The following TANGO6 variants were observed in gnomAD, a reference collection of about 807,000 sequenced individuals.
TANGO6 encodes transport and Golgi organization protein 6 homolog.
Under a neutral mutation model 114.2 loss-of-function variants are expected in TANGO6, and 90 were observed. The ratio of observed to expected loss-of-function variants is 0.79; its 90% CI spans 0.66 to 0.94. The LOEUF (loss-of-function observed/expected upper bound fraction) is 0.94, where lower values mean the gene tolerates loss of function less well. Ranked by LOEUF, TANGO6 falls within the 40% of genes least tolerant of loss-of-function variation. The pLI, the probability that TANGO6 is intolerant of heterozygous loss-of-function variation, is 0.00. For missense variants in TANGO6, 1,274 were observed against 1,315.3 expected, an observed-to-expected ratio of 0.97 and a Z score of 0.49; for synonymous variants, 477 against 509.8, an observed-to-expected ratio of 0.94 and a Z score of 0.87.
intron 17 of TANGO6, among the ~76,000 whole-genome samples, chr16:69,075,275 A>G (rs187043793): frequency 3.3e-5 from 5 of 151,584 alleles, no homozygotes; most frequent in African/African-American, 1.2e-4. Flanking sequence ...AATTATTAGC[A>G]TGAATTTTAC....
chr16:68,903,579 C>T (rs1047057539), intron 9 of TANGO6, among the ~76,000 whole-genome samples: 2 of 141,426 alleles, frequency 1.4e-5, no homozygotes, highest in Admixed American at 7.6e-5. Context: ...GATCGTACCA[C>T]TGCACTCCAG....
chr16:69,020,900 ATGTATGTGTG>A (rs1393756566), intron 15 of TANGO6, among the ~76,000 whole-genome samples: 2,398 of 126,462 alleles, frequency 0.019, 42 homozygotes, highest in East Asian at 0.079. Flanking sequence ...TTATATATGT[ATGTATGTGTG>A]TGTGTGTGTG....
At chr16:69,059,078 CTTT>C (rs34994371) in intron 17 of TANGO6, among the ~76,000 whole-genome samples, 1 of 130,874 alleles carries the variant, frequency 7.6e-6, no homozygotes, top group Non-Finnish European at 1.7e-5. Flanking sequence ...CAGCTAATTT[CTTT>C]TTTTTTTTTT....
intron 14 of TANGO6, among the ~76,000 whole-genome samples, chr16:68,957,178 G>A (rs1036773528): frequency 4.6e-5 from 7 of 151,856 alleles, no homozygotes; most frequent in African/African-American, 1.7e-4. Context: ...TGCATGTATA[G>A]CAACATAAAG....
intron 14 of TANGO6, among the ~76,000 whole-genome samples, chr16:68,966,762 T>C (rs1467067563): frequency 2.0e-5 from 3 of 149,510 alleles, no homozygotes; most frequent in East Asian, 2.0e-4. Flanking sequence ...CACCACCATG[T>C]CTGGCTAATT....
rs546980159 is a variant in TANGO6 at position 68,915,286 on chromosome 16, A to T, written c.1993-3799A>T. 2.0e-5 allele frequency among the ~76,000 whole-genome samples: 3 copies of T among 152,062 alleles called. No homozygotes were observed. The East Asian group carries it at 5.8e-4, about 29-fold the overall frequency. ...ATATTTTTTGTTACTGTTGTTAGAG[A>T]CAGGGTCTCACTCTTTGTTGCCCAG... is the stretch of plus-strand genomic sequence containing the variant. On this transcript the variant is annotated intron_variant, in intron 11 of 17. Transcript: ENST00000261778.
At chr16:69,066,777 C>T (rs558463732) in intron 17 of TANGO6, among the ~76,000 whole-genome samples, 2 of 152,278 alleles carry the variant, frequency 1.3e-5, no homozygotes, top group South Asian at 2.1e-4. Context: ...CCTTATGCCT[C>T]CCACTCCATG....
At chr16:68,879,771 C>T (rs1962427935) in intron 6 of TANGO6, among the ~76,000 whole-genome samples, 1 of 151,200 alleles carries the variant, frequency 6.6e-6, no homozygotes, top group South Asian at 2.1e-4. Flanking sequence ...TGCCCGTCAC[C>T]ACGCCCAGCT....
chr16:69,059,406 A>G (rs1960081977), intron 17 of TANGO6, among the ~76,000 whole-genome samples: 1 of 151,990 alleles, frequency 6.6e-6, no homozygotes, highest in Non-Finnish European at 1.5e-5. Flanking sequence ...GGGTTTCACC[A>G]TGTTGGCCAG....
At chr16:68,973,513 C>T (rs754140818) in intron 14 of TANGO6, among the ~76,000 whole-genome samples, 3 of 152,106 alleles carry the variant, frequency 2.0e-5, no homozygotes, top group Non-Finnish European at 4.4e-5. Flanking sequence ...TAACACTGTT[C>T]CAGGCTACAC....
At chr16:68,988,093 T>C (rs1857137593) in intron 15 of TANGO6, among the ~76,000 whole-genome samples, 1 of 152,224 alleles carries the variant, frequency 6.6e-6, no homozygotes, top group Non-Finnish European at 1.5e-5. Context: ...CCTAGTTATC[T>C]GGTCTCCTCC....
intron 15 of TANGO6, among the ~76,000 whole-genome samples, chr16:69,018,904 C>G (rs1394402471): frequency 6.6e-6 from 1 of 151,838 alleles, no homozygotes; most frequent in East Asian, 1.9e-4. Context: ...AGTGAGACTC[C>G]GTCTCAAAAA....
intron 1 of TANGO6, among the ~76,000 whole-genome samples, chr16:68,844,099 G>A (rs1961767836): frequency 6.6e-6 from 1 of 152,168 alleles, no homozygotes; most frequent in South Asian, 2.1e-4. Flanking sequence ...GAGGGCGCAG[G>A]GGCCAGCATG....
intron 15 of TANGO6, among the ~76,000 whole-genome samples, chr16:69,018,139 C>CTTTTTTTTT (rs34796579): frequency 0.012 from 888 of 77,050 alleles, 64 homozygotes; most frequent in Non-Finnish European, 0.018. Context: ...TTGGAAATCT[C>CTTTTTTTTT]TTTTTTTTTT....
chr16:68,939,577 A>AT (rs576027928), intron 14 of TANGO6, among the ~76,000 whole-genome samples: 11,449 of 137,500 alleles, frequency 0.083, 514 homozygotes, highest in African/African-American at 0.095. Context: ...ACTAAAAGGA[A>AT]TTTTTTTTTT....
intron 13 of TANGO6, 69 bp downstream of exon 13, chr16:68,928,152 G>A (rs1261277340): frequency 9.6e-6 from 14 of 1,459,714 alleles, no homozygotes; most frequent in Middle Eastern, 2.1e-4. Flanking sequence ...AGTATTTTTG[G>A]AGCCTGGACT....
At chr16:68,992,195 C>T (rs1030360963) in intron 15 of TANGO6, among the ~76,000 whole-genome samples, 2 of 152,052 alleles carry the variant, frequency 1.3e-5, no homozygotes, top group Non-Finnish European at 2.9e-5. Context: ...GGAGGTGGGA[C>T]CATCTACAGT....
chr16:68,880,498 C>A, intron 6 of TANGO6, 50 bp from the exon 7 acceptor site: 1 of 1,383,938 alleles, frequency 7.2e-7, no homozygotes, highest in Non-Finnish European at 1.0e-6. Flanking sequence ...TTAGTATGTC[C>A]TATTCAGTGA....
At chr16:68,897,753 T>G (rs1962725138) in intron 7 of TANGO6, among the ~76,000 whole-genome samples, 1 of 152,010 alleles carries the variant, frequency 6.6e-6, no homozygotes, top group Non-Finnish European at 1.5e-5. Flanking sequence ...TAACTTTGTA[T>G]TTTTAGTAGA....
Sources: gnomAD v4.1 joint callset for allele counts (sites outside exome capture counted in the v4.1 genomes callset) on GRCh38, gnomAD v4.1.1 for gene constraint, MANE v1.5 for transcripts, NCBI Gene and HGNC (gene_info 2026-07-23, HGNC 2026-07-21) for gene names.